EHMT1: variants seen among roughly 807,000 people sequenced by gnomAD.
EHMT1 encodes the protein euchromatic histone lysine methyltransferase 1, also known as histone-lysine N-methyltransferase EHMT1.
A neutral mutation model predicts 147.2 loss-of-function variants in EHMT1; 15 were observed. The ratio of observed to expected loss-of-function variants is 0.10; its 90% CI spans 0.07 to 0.16. The LOEUF (loss-of-function observed/expected upper bound fraction) is 0.16. Ranked by LOEUF, EHMT1 falls within the 10% of genes least tolerant of loss-of-function variation. EHMT1 has a pLI of 1.00. For missense variants in EHMT1, 1,587 were observed against 1,772.4 expected, an observed-to-expected ratio of 0.90 and a Z score of 1.88; for synonymous variants, 795 against 709.6, an observed-to-expected ratio of 1.12 and a Z score of -1.91.
intron 1 of EHMT1, among the ~76,000 whole-genome samples, chr9:137,668,735 T>TA (rs1940010553): frequency 2.0e-5 from 1 of 50,286 alleles, no homozygotes; most frequent in Non-Finnish European, 3.4e-5. Flanking sequence ...AGTGTTTTCT[T>TA]TTTTTTTTTT....
rs201207584 is a variant in EHMT1 at position 137,671,524 on chromosome 9, T to TC, written c.22-39443_22-39442insC. ...AAGAGTTGGATCCTTTTCTTTCTTT[T>TC]TTTTTTTTTTTTTTTTTCGAGACAG... On this transcript the variant is annotated intron_variant, in intron 1 of 26. Transcript: ENST00000460843. 9.8e-3 allele frequency among the ~76,000 whole-genome samples: 1,425 copies of TC among 145,730 alleles called. 18 individuals carry two copies. Among genetic ancestry groups the TC allele is most frequent in the African/African-American group, 0.034 (1,351 of 39,638 alleles).
At chr9:137,645,823 A>C (rs531786934) in intron 1 of EHMT1, among the ~76,000 whole-genome samples, 12 of 152,184 alleles carry the variant, frequency 7.9e-5, no homozygotes, top group Non-Finnish European at 1.3e-4. Flanking sequence ...TGCTATGTGA[A>C]ATGCACACTA....
At chr9:137,759,440 G>A (rs1410590027) in intron 9 of EHMT1, among the ~76,000 whole-genome samples, 2 of 152,176 alleles carry the variant, frequency 1.3e-5, no homozygotes, top group Admixed American at 6.5e-5. Context: ...GCAGGAGACC[G>A]GGAGCTGGCA....
At chr9:137,711,165 C>G (rs1041263235) in intron 2 of EHMT1, 135 bp downstream of exon 2, 1 of 844,572 alleles carries the variant, frequency 1.2e-6, no homozygotes, top group African/African-American at 1.7e-5. Context: ...AGTTTCTAAT[C>G]TATCCCATTC....
intron 3 of EHMT1, among the ~76,000 whole-genome samples, chr9:137,724,120 C>T (rs1190093498): frequency 6.6e-6 from 1 of 152,218 alleles, no homozygotes; most frequent in African/African-American, 2.4e-5. Context: ...TGTGTGTTTC[C>T]ACACCTCACC....
chr9:137,623,773 A>G (rs1012113508), intron 1 of EHMT1, among the ~76,000 whole-genome samples: 8 of 152,266 alleles, frequency 5.3e-5, no homozygotes, highest in Non-Finnish European at 7.4e-5. Context: ...GGTAGGTTGG[A>G]AAGTCATTTT....
chr9:137,816,778 C>T (rs1027024456), intron 23 of EHMT1: 2 of 167,166 alleles, frequency 1.2e-5, no homozygotes, highest in African/African-American at 4.8e-5. Flanking sequence ...AAGGCAGTCT[C>T]TGTCCTTGGT....
chr9:137,729,059 A>C (rs958715486), intron 4 of EHMT1, among the ~76,000 whole-genome samples: 14 of 152,136 alleles, frequency 9.2e-5, no homozygotes, highest in Non-Finnish European at 1.9e-4. Context: ...CTGGGAGGGC[A>C]CCGGGACCTC....
intron 1 of EHMT1, among the ~76,000 whole-genome samples, chr9:137,634,497 A>G (rs1285694873): frequency 6.6e-6 from 1 of 152,168 alleles, no homozygotes; most frequent in Admixed American, 6.5e-5. Context: ...CCGTTGATGT[A>G]TATGTCTGTC....
chr9:137,785,887 A>T (rs183809448), intron 15 of EHMT1: 32 of 152,380 alleles, frequency 2.1e-4, no homozygotes, highest in African/African-American at 7.2e-4. Flanking sequence ...AGTGCCTCGC[A>T]TAGCAGGGTT....
rs192115860 is a variant in EHMT1 at position 137,731,202 on chromosome 9, G to A, written c.823+2673G>A. Among the ~76,000 whole-genome samples, 7 of 152,310 alleles carry A rather than the reference G, an allele frequency of 4.6e-5. No individual in the cohort carries two copies. In the South Asian group the frequency reaches 8.3e-4, roughly 18 times the overall value. On this transcript the variant is annotated intron_variant, in intron 4 of 26. Transcript: ENST00000460843. The surrounding 1 kb of genome is among the most constrained non-coding windows in gnomAD (Gnocchi z 4.3). Reference sequence around the variant, plus strand: ...ACCTGGAAGTGGGTGGTCCATCAGCGTGTTAGCCTAGGACAGTGTGTAAAA... The same window carrying A: ...ACCTGGAAGTGGGTGGTCCATCAGCATGTTAGCCTAGGACAGTGTGTAAAA...
At chr9:137,789,838 T>C (rs1237981045) in intron 15 of EHMT1, among the ~76,000 whole-genome samples, 1 of 152,268 alleles carries the variant, frequency 6.6e-6, no homozygotes, top group East Asian at 1.9e-4. Context: ...CAAGCAACTC[T>C]CCTGCCTCAG....
intron 1 of EHMT1, among the ~76,000 whole-genome samples, chr9:137,710,532 G>C (rs1167282238): frequency 2.0e-5 from 3 of 150,572 alleles, no homozygotes; most frequent in Non-Finnish European, 4.4e-5. Flanking sequence ...TAATCTCAAA[G>C]ATTTAGTGAT....
intron 3 of EHMT1, among the ~76,000 whole-genome samples, chr9:137,718,900 C>T (rs911900608): frequency 4.6e-5 from 7 of 151,872 alleles, no homozygotes; most frequent in East Asian, 3.9e-4. Context: ...GGACTACAGG[C>T]GCCTACCACC....
chr9:137,752,194 C>G, intron 6 of EHMT1, 137 bp from the exon 7 acceptor site: 1 of 1,063,174 alleles, frequency 9.4e-7, no homozygotes, highest in Non-Finnish European at 1.4e-6. Flanking sequence ...GGCGGCGCCC[C>G]CGCCCCGCGA....
intron 1 of EHMT1, among the ~76,000 whole-genome samples, chr9:137,686,765 C>G (rs894463972): frequency 4.1e-5 from 6 of 145,474 alleles, no homozygotes; most frequent in Non-Finnish European, 8.9e-5. Flanking sequence ...GAGTCTCGCT[C>G]TGTCACCCAG....
chr9:137,746,965 G>GA (rs1948592837), intron 6 of EHMT1: 2 of 152,164 alleles, frequency 1.3e-5, no homozygotes, highest in Admixed American at 6.5e-5. Context: ...AAGCCAAGAA[G>GA]AAAATGTGGT....
At chr9:137,668,925 C>T (rs1179360371) in intron 1 of EHMT1, among the ~76,000 whole-genome samples, 1 of 152,122 alleles carries the variant, frequency 6.6e-6, no homozygotes, top group Non-Finnish European at 1.5e-5. Context: ...CTCGCTCTGT[C>T]CCCCAGGCTG....
intron 1 of EHMT1, among the ~76,000 whole-genome samples, chr9:137,623,244 G>A: frequency 6.6e-6 from 1 of 151,468 alleles, no homozygotes; most frequent in South Asian, 2.1e-4. Context: ...AAGAATGCAT[G>A]TTCCCTCTGC....
Sources: gnomAD v4.1 joint callset for allele counts (sites outside exome capture counted in the v4.1 genomes callset) on GRCh38, gnomAD v4.1.1 for gene constraint, Gnocchi (gnomAD v3.1) non-coding constraint, MANE v1.5 for transcripts, NCBI Gene and HGNC (gene_info 2026-07-23, HGNC 2026-07-21) for gene names.